Variants in GAS7 observed in about 807,000 individuals in gnomAD.
GAS7 encodes the protein growth arrest-specific protein 7.
In GAS7, 28 loss-of-function variants were observed where a neutral mutation model predicts 71.1. The ratio of observed to expected loss-of-function variants is 0.39; its 90% CI spans 0.29 to 0.54. GAS7 has a LOEUF of 0.54. Among genes scored for constraint, GAS7 ranks in the 20% least tolerant of loss-of-function variants. The pLI is 0.62. For synonymous variants in GAS7, 258 were observed against 245.8 expected, an observed-to-expected ratio of 1.05 and a Z score of -0.46; for missense variants, 436 against 627.8, an observed-to-expected ratio of 0.69 and a Z score of 3.27.
intron 8 of GAS7, among the ~76,000 whole-genome samples, chr17:9,934,773 T>C (rs2068337215): frequency 6.6e-6 from 1 of 152,232 alleles, no homozygotes. Flanking sequence ...TCTTGCTCTG[T>C]CGCCTAGGCT....
chr17:9,993,483 T>C (rs966026980), intron 2 of GAS7, among the ~76,000 whole-genome samples: 5 of 152,222 alleles, frequency 3.3e-5, no homozygotes, highest in African/African-American at 9.6e-5. Context: ...TCAACAACCC[T>C]TCATGCTAGA....
chr17:10,145,430 C>T (rs186833404), intron 1 of GAS7, among the ~76,000 whole-genome samples: 57 of 152,316 alleles, frequency 3.7e-4, no homozygotes, highest in African/African-American at 1.1e-3. Context: ...GCTCTCCAGG[C>T]GCTCACTGTC....
chr17:10,146,969 C>T (rs2874301), intron 1 of GAS7, among the ~76,000 whole-genome samples: 12 of 148,872 alleles, frequency 8.1e-5, no homozygotes, highest in Non-Finnish European at 1.5e-4. Context: ...ATAAAAAAAA[C>T]GATCTCTGTC....
chr17:10,108,714 C>G (rs1378061824), intron 1 of GAS7, among the ~76,000 whole-genome samples: 1 of 152,064 alleles, frequency 6.6e-6, no homozygotes, highest in African/African-American at 2.4e-5. Context: ...ACAAAAGCAC[C>G]AAGAATACAC....
At position 9,969,499 on chromosome 17, in the gene GAS7, A is replaced by T. The variant is rs893219425; in HGVS notation, c.471+178T>A. On this transcript the variant is annotated intron_variant, in intron 4 of 13. Coordinates refer to ENST00000432992, the MANE Select transcript of GAS7 (RefSeq NM_201433.2). This position sits in a 1 kb window ranked among gnomAD's most constrained non-coding sequence, Gnocchi z 5.5. ...ACTTCTAGAAAACCAACAGACCACA[A>T]TCATCCAACCCTCTCCCCATCAGGG... Among the ~76,000 whole-genome samples the T allele has an allele frequency of 6.6e-6, 1 of 152,102 alleles. No individual in the cohort carries two copies. Among genetic ancestry groups the T allele is most frequent in the African/African-American group, 2.4e-5 (1 of 41,420 alleles).
At position 10,099,832 on chromosome 17, in the gene GAS7, T is replaced by A. The variant is rs981361585; in HGVS notation, c.184-79935A>T. ...ACCTAATATATTCAAAACCTAAGAG[T>A]GTAATTCGTTACCTTTCTTCCAAAT... On this transcript the variant is annotated intron_variant, in intron 1 of 13. Transcript: ENST00000432992. Among the ~76,000 whole-genome samples, 7 of 152,072 alleles carry A rather than the reference T, an allele frequency of 4.6e-5. No homozygotes were observed. The South Asian group carries it at 8.3e-4, about 18-fold the overall frequency.
At chr17:10,079,621 A>C (rs1258473054) in intron 1 of GAS7, among the ~76,000 whole-genome samples, 1 of 152,220 alleles carries the variant, frequency 6.6e-6, no homozygotes, top group Non-Finnish European at 1.5e-5. Context: ...CCCCAGCTTC[A>C]AGCTGTCCCA....
At chr17:9,946,411 G>A (rs960772711) in intron 6 of GAS7, among the ~76,000 whole-genome samples, 3 of 152,142 alleles carry the variant, frequency 2.0e-5, no homozygotes, top group Admixed American at 2.0e-4. Context: ...CTCTGTGTTC[G>A]CTAAGTGATC....
chr17:10,138,592 G>A lies in GAS7; in HGVS notation c.183+59616C>T, dbSNP rs568744605. Among the ~76,000 whole-genome samples, 52 of 152,000 alleles carry A rather than the reference G, an allele frequency of 3.4e-4. 1 individual carries two copies. In the South Asian group the frequency reaches 6.9e-3, roughly 20 times the overall value. On this transcript the variant is annotated intron_variant, in intron 1 of 13. Transcript: ENST00000432992. ...AGCCTGACCAACATGGTGAAACCCC[G>A]TCTCTACTAAAAAGTACAAAAAAAA...
chr17:10,053,617 T>C (rs1029679921), intron 1 of GAS7, among the ~76,000 whole-genome samples: 4 of 151,990 alleles, frequency 2.6e-5, no homozygotes, highest in African/African-American at 9.7e-5. Context: ...TTCATCGATG[T>C]GGCATCTGTG....
intron 1 of GAS7, among the ~76,000 whole-genome samples, chr17:10,127,527 C>G (rs1420332062): frequency 6.6e-6 from 1 of 152,200 alleles, no homozygotes; most frequent in South Asian, 2.1e-4. Context: ...CACCCAGCAG[C>G]CCTGAAAGTA....
At chr17:9,996,363 T>G (rs144026812) in intron 2 of GAS7, among the ~76,000 whole-genome samples, 4,080 of 140,328 alleles carry the variant, frequency 0.029, 184 homozygotes, top group African/African-American at 0.1. Context: ...TAGGTGGGAA[T>G]TGAACAATGA....
At position 9,926,708 on chromosome 17, in the gene GAS7, T is replaced by C. The variant is rs760376920; in HGVS notation, c.947A>G (p.Lys316Arg). 6.2e-7 allele frequency: 1 copy of C among 1,613,968 alleles called. No individual in the cohort carries two copies. Among genetic ancestry groups the C allele is most frequent in the Non-Finnish European group, 8.5e-7 (1 of 1,179,954 alleles). The change falls in exon 10 of 14, where the codon AAG (lysine) becomes AGG (arginine). Residue 316 changes from lysine (K) to arginine (R), a missense_variant. Physicochemically the swap from Lys to Arg is conservative, Grantham distance 26. Coordinates refer to ENST00000432992, the MANE Select transcript of GAS7 (RefSeq NM_201433.2). The surrounding 1 kb of genome is among the most constrained non-coding windows in gnomAD (Gnocchi z 5.0). The part of the protein sequence containing the change: ...NFRENFKKDM[K>R]KCDHHIADLR... ...GTCGGCAATGTGGTGGTCGCACTTC[T>C]TCATGTCTTTCTTGAAGTTCTCACG... is the stretch of plus-strand genomic sequence containing the variant.
intron 2 of GAS7, among the ~76,000 whole-genome samples, chr17:9,996,566 TA>T (rs59454754): frequency 0.25 from 34,445 of 139,176 alleles, 4,363 homozygotes; most frequent in Middle Eastern, 0.36. Context: ...AAGTATAATT[TA>T]AAAAAAAAAA....
intron 1 of GAS7, among the ~76,000 whole-genome samples, chr17:10,117,702 G>A (rs955745885): frequency 6.6e-6 from 1 of 152,178 alleles, no homozygotes; most frequent in Non-Finnish European, 1.5e-5. Context: ...GATGTGTTCA[G>A]ACCCTTCCTG....
At chr17:10,170,546 C>T (rs957919349) in intron 1 of GAS7, among the ~76,000 whole-genome samples, 1 of 152,216 alleles carries the variant, frequency 6.6e-6, no homozygotes, top group Admixed American at 6.5e-5. Context: ...CACAGATGCC[C>T]TCTCCTAATG....
intron 2 of GAS7, among the ~76,000 whole-genome samples, chr17:10,006,244 T>A (rs937599225): frequency 1.3e-5 from 2 of 151,160 alleles, no homozygotes; most frequent in Non-Finnish European, 2.9e-5. Context: ...AAGGCAGGAA[T>A]GCTGTTCATC....
chr17:9,953,141 A>AT (rs2069088838), intron 5 of GAS7, among the ~76,000 whole-genome samples: 2 of 152,078 alleles, frequency 1.3e-5, no homozygotes, highest in East Asian at 3.9e-4. Context: ...TGGTACATAT[A>AT]CAACATGAAA....
Position 10,198,485 on chromosome 17 carries a change from C to G in GAS7, c.-95G>C. On this transcript the variant is annotated 5_prime_UTR_variant, in exon 1 of 14. Coordinates refer to ENST00000432992, the MANE Select transcript of GAS7 (RefSeq NM_201433.2). ...GCGGGGTCCCAGGCGCCCGGCGCTC[C>G]GGGCTCCCGCGCTCTGGGCGCGCGC... 1 of 896,002 alleles carries G rather than the reference C, an allele frequency of 1.1e-6. No homozygotes were observed. The highest frequency in any genetic ancestry group is 3.4e-5 in the East Asian group (1 of 29,374). 55.5% of individuals were successfully genotyped at this position (896,002 alleles called of 1,614,324 possible).
Sources: gnomAD v4.1 joint callset for allele counts (sites outside exome capture counted in the v4.1 genomes callset) on GRCh38, gnomAD v4.1.1 for gene constraint, Gnocchi (gnomAD v3.1) non-coding constraint, MANE v1.5 for transcripts, NCBI Gene and HGNC (gene_info 2026-07-23, HGNC 2026-07-21) for gene names.